Variants in C1GALT1 observed in about 807,000 individuals in gnomAD.
C1GALT1 encodes the protein core 1 synthase, glycoprotein-N-acetylgalactosamine 3-beta-galactosyltransferase 1, also known as glycoprotein-N-acetylgalactosamine 3-beta-galactosyltransferase 1.
Under a neutral mutation model 31.0 loss-of-function variants are expected in C1GALT1, and 11 were observed. The ratio of observed to expected loss-of-function variants is 0.36; its 90% CI spans 0.22 to 0.59. C1GALT1 has a LOEUF of 0.59. Ranked by LOEUF, C1GALT1 falls within the 20% of genes least tolerant of loss-of-function variation. The pLI, the probability that C1GALT1 is intolerant of heterozygous loss-of-function variation, is 0.79. For synonymous variants in C1GALT1, 175 were observed against 143.6 expected (o/e 1.22, Z -1.56); for missense variants, 424 against 425.2 (o/e 1.00, Z 0.03).
chr7:7,226,072 C>T (rs1782746070), intron 1 of C1GALT1, among the ~76,000 whole-genome samples: 1 of 152,070 alleles, frequency 6.6e-6, no homozygotes, highest in African/African-American at 2.4e-5. Flanking sequence ...AGGGATACTG[C>T]TATCGAGTTT....
chr7:7,220,949 A>G (rs571334110), intron 1 of C1GALT1, among the ~76,000 whole-genome samples: 4 of 152,130 alleles, frequency 2.6e-5, no homozygotes, highest in Admixed American at 2.6e-4. Context: ...GTCCAGAACC[A>G]CTTACTTTCT....
chr7:7,233,621 G>A (rs1316083358), intron 1 of C1GALT1, among the ~76,000 whole-genome samples: 1 of 152,166 alleles, frequency 6.6e-6, no homozygotes, highest in African/African-American at 2.4e-5. Flanking sequence ...GAGACATATT[G>A]CCTCTATTGT....
intron 1 of C1GALT1, among the ~76,000 whole-genome samples, chr7:7,222,719 G>A (rs1294246621): frequency 6.6e-6 from 1 of 152,200 alleles, no homozygotes; most frequent in Non-Finnish European, 1.5e-5. Context: ...TAGGCATTTA[G>A]TAATGGCGTT....
upstream of C1GALT1, among the ~76,000 whole-genome samples, chr7:7,180,365 A>G (rs1780556670): frequency 6.6e-6 from 1 of 152,264 alleles, no homozygotes; most frequent in Non-Finnish European, 1.5e-5. Context: ...GCAAAAGCCT[A>G]TGGATAAGAA....
chr7:7,185,071 T>C (rs1465836355), intron 1 of C1GALT1, among the ~76,000 whole-genome samples: 2 of 152,150 alleles, frequency 1.3e-5, no homozygotes, highest in Non-Finnish European at 2.9e-5. Flanking sequence ...AAATCTGTAA[T>C]ATGTGAGAAT....
chr7:7,181,705 A>T (rs1562556142), upstream of C1GALT1, among the ~76,000 whole-genome samples: 1 of 152,170 alleles, frequency 6.6e-6, no homozygotes, highest in Non-Finnish European at 1.5e-5. Flanking sequence ...TTTAACAACC[A>T]TGCTGTAGAG....
chr7:7,226,350 T>C (rs995746464), intron 1 of C1GALT1, among the ~76,000 whole-genome samples: 1 of 151,474 alleles, frequency 6.6e-6, no homozygotes, highest in South Asian at 2.1e-4. Flanking sequence ...CAAAATGTGG[T>C]ATAAAGTGTT....
At chr7:7,205,182 G>A (rs934611708) in intron 1 of C1GALT1, among the ~76,000 whole-genome samples, 1 of 152,004 alleles carries the variant, frequency 6.6e-6, no homozygotes, top group African/African-American at 2.4e-5. Context: ...GTTCATCTCA[G>A]TGGTCTGTTA....
At chr7:7,179,545 T>C (rs937688723), upstream of C1GALT1, among the ~76,000 whole-genome samples, 1 of 152,238 alleles carries the variant, frequency 6.6e-6, no homozygotes, top group African/African-American at 2.4e-5. Flanking sequence ...TTTCACCTCA[T>C]TCTGTCTATT....
chr7:7,166,765 A>G (rs1330377010), intron 2 of C1GALT1, among the ~76,000 whole-genome samples: 1 of 152,222 alleles, frequency 6.6e-6, no homozygotes, highest in Non-Finnish European at 1.5e-5. Flanking sequence ...TGCCTACCAC[A>G]GAGGGTTGGT....
intron 1 of C1GALT1, among the ~76,000 whole-genome samples, chr7:7,191,882 A>G (rs938925106): frequency 2.6e-5 from 4 of 152,126 alleles, no homozygotes; most frequent in South Asian, 2.1e-4. Context: ...CTCTTATCAG[A>G]TAATACGATT....
In C1GALT1 at chr7:7,190,903, T is replaced by C. The variant is rs1319762914; in HGVS notation, c.-18+8083T>C. ...CTTCCTGTGTTTTAGCTGGGATTAC[T>C]TTACATACAGGTTAATTCGGAGGAA... On this transcript the variant is annotated intron_variant, in intron 1 of 3. Transcript: ENST00000436587. 2.0e-5 allele frequency among the ~76,000 whole-genome samples: 3 copies of C among 152,168 alleles called. No homozygotes were observed. The East Asian group carries it at 5.8e-4, about 29-fold the overall frequency.
upstream of C1GALT1, chr7:7,182,519 G>A (rs1052940091): frequency 2.0e-5 from 3 of 152,222 alleles, no homozygotes; most frequent in African/African-American, 4.8e-5. Flanking sequence ...CCTGGGGCTG[G>A]TGCGGCGGCG....
At chr7:7,209,743 G>A (rs1323163591) in intron 1 of C1GALT1, among the ~76,000 whole-genome samples, 1 of 152,192 alleles carries the variant, frequency 6.6e-6, no homozygotes, top group Non-Finnish European at 1.5e-5. Context: ...ACTCACGTCC[G>A]TGTGAAGAGA....
At chr7:7,207,046 C>T (rs1781769343) in intron 1 of C1GALT1, among the ~76,000 whole-genome samples, 1 of 151,984 alleles carries the variant, frequency 6.6e-6, no homozygotes, top group East Asian at 1.9e-4. Flanking sequence ...AACATTTTTT[C>T]TCTCTCCATT....
chr7:7,213,725 A>G (rs1476661620), intron 1 of C1GALT1, among the ~76,000 whole-genome samples: 1 of 152,256 alleles, frequency 6.6e-6, no homozygotes. Flanking sequence ...AGTTTAAATG[A>G]AACCTTATGG....
rs568325437 is a variant in C1GALT1 at position 7,246,525 on chromosome 7, A to G, written c.*2798A>G. 6.6e-6 allele frequency: 1 copy of G among 152,278 alleles called. No individual in the cohort carries two copies. Among genetic ancestry groups the G allele is most frequent in the African/African-American group, 2.4e-5 (1 of 41,568 alleles). The allele number at this position is 152,278 out of a possible 1,614,324, so 9.4% of individuals were successfully genotyped here. On this transcript the variant is annotated 3_prime_UTR_variant, in exon 4 of 4. Transcript: ENST00000436587. ...AAATTTAAGCATGGGGCCCAAGAGT[A>G]TGCATTCTTACCAGATACCTTGGGC...
At chr7:7,191,134 T>C (rs1306373400) in intron 1 of C1GALT1, among the ~76,000 whole-genome samples, 1 of 152,146 alleles carries the variant, frequency 6.6e-6, no homozygotes, top group African/African-American at 2.4e-5. Flanking sequence ...GTTTAAACGA[T>C]AGCTCTCCAT....
upstream of C1GALT1, among the ~76,000 whole-genome samples, chr7:7,178,582 A>C (rs933572909): frequency 6.6e-6 from 1 of 152,214 alleles, no homozygotes; most frequent in Non-Finnish European, 1.5e-5. Flanking sequence ...TTACTTCCAC[A>C]ACTGGCAAAG....
Sources: allele counts gnomAD v4.1 joint callset (sites outside exome capture counted in the v4.1 genomes callset), GRCh38; gene constraint gnomAD v4.1.1; transcripts MANE v1.5; gene names NCBI Gene and HGNC (gene_info 2026-07-23, HGNC 2026-07-21).